Variants in NFIB observed in about 807,000 individuals in gnomAD.
NFIB encodes nuclear factor I B.
In NFIB, 11 loss-of-function variants were observed where a neutral mutation model predicts 61.5. The observed-to-expected ratio is 0.18, with a 90% CI of 0.11 to 0.30. The LOEUF is 0.30. Among genes scored for constraint, NFIB ranks in the 10% least tolerant of loss-of-function variants. The pLI, the probability that NFIB is intolerant of heterozygous loss-of-function variation, is 1.00. For missense variants in NFIB, 471 were observed against 608.9 expected (o/e 0.77, Z 2.38); for synonymous variants, 260 against 216.5 (o/e 1.20, Z -1.76).
intron 4 of NFIB, among the ~76,000 whole-genome samples, chr9:14,153,650 T>C (rs1045583744): frequency 2.6e-5 from 4 of 152,106 alleles, no homozygotes; most frequent in African/African-American, 9.7e-5. Flanking sequence ...GCTGAATGGC[T>C]TCATTAGCTA....
chr9:14,438,501 T>G, the NFIB span, among the ~76,000 whole-genome samples: 4 of 152,216 alleles, frequency 2.6e-5, no homozygotes, highest in Admixed American at 6.5e-5. Context: ...TTTTCCCCCT[T>G]GCTTATTAAT....
At chr9:14,129,952 G>A (rs10511590) in intron 6 of NFIB, among the ~76,000 whole-genome samples, 17,354 of 152,210 alleles carry the variant, frequency 0.11, 1,225 homozygotes, top group Non-Finnish European at 0.16. Flanking sequence ...GGTAGTTGAA[G>A]AGAAACAAGT....
chr9:14,517,418 T>C, the NFIB span, among the ~76,000 whole-genome samples: 1 of 152,160 alleles, frequency 6.6e-6, no homozygotes, highest in Admixed American at 6.5e-5. Context: ...ATGACACAGA[T>C]GGAATGCTGC....
chr9:14,139,603 T>A (rs1326849890), intron 6 of NFIB, among the ~76,000 whole-genome samples: 1 of 152,184 alleles, frequency 6.6e-6, no homozygotes, highest in African/African-American at 2.4e-5. Context: ...TATTTTCAAA[T>A]CTTTAAGCCT....
chr9:14,528,429 A>T, the NFIB span, among the ~76,000 whole-genome samples: 1 of 152,198 alleles, frequency 6.6e-6, no homozygotes, highest in African/African-American at 2.4e-5. Context: ...TTGGTGTTCA[A>T]CAAAGAATAA....
chr9:14,406,691 T>C, the NFIB span, among the ~76,000 whole-genome samples: 11 of 152,312 alleles, frequency 7.2e-5, no homozygotes, highest in East Asian at 1.9e-4. Context: ...CAATGAAATG[T>C]AGACAGAAGT....
intron 2 of NFIB, among the ~76,000 whole-genome samples, chr9:14,251,210 G>C (rs1338225705): frequency 6.6e-6 from 1 of 152,136 alleles, no homozygotes; most frequent in African/African-American, 2.4e-5. Context: ...GGAACTCCAG[G>C]TGCAATCACT....
intron 1 of NFIB, among the ~76,000 whole-genome samples, chr9:14,391,241 G>C (rs1254176237): frequency 5.3e-5 from 8 of 152,046 alleles, no homozygotes; most frequent in Admixed American, 5.2e-4. Context: ...CATGATGGTA[G>C]CAGGAATCCT....
chr9:14,107,666 C>A (rs1310547576), intron 10 of NFIB, among the ~76,000 whole-genome samples: 2 of 152,094 alleles, frequency 1.3e-5, no homozygotes, highest in Non-Finnish European at 2.9e-5. Context: ...GTCACATCAA[C>A]ACTAAAACCC....
At chr9:14,232,399 C>T (rs768963922) in intron 2 of NFIB, among the ~76,000 whole-genome samples, 4 of 152,194 alleles carry the variant, frequency 2.6e-5, no homozygotes, top group African/African-American at 4.8e-5. Context: ...TGCTGCAAAA[C>T]GCACCAAATG....
chr9:14,224,736 G>T (rs1427269222), intron 2 of NFIB, among the ~76,000 whole-genome samples: 7 of 152,216 alleles, frequency 4.6e-5, no homozygotes, highest in Admixed American at 3.9e-4. Flanking sequence ...GGTATCCCCA[G>T]TGGGGCCTGG....
At chr9:14,514,478 G>T in the NFIB span, among the ~76,000 whole-genome samples, 6 of 152,064 alleles carry the variant, frequency 3.9e-5, no homozygotes, top group Non-Finnish European at 7.4e-5. Flanking sequence ...CATAGATTTG[G>T]TATTGGAAGA....
chr9:14,456,514 G>C, the NFIB span, among the ~76,000 whole-genome samples: 2 of 152,026 alleles, frequency 1.3e-5, no homozygotes, highest in East Asian at 3.9e-4. Flanking sequence ...AATGCACTAG[G>C]AAAATTAAAA....
chr9:14,217,460 A>G (rs1249531353), intron 2 of NFIB, among the ~76,000 whole-genome samples: 1 of 152,184 alleles, frequency 6.6e-6, no homozygotes, highest in African/African-American at 2.4e-5. Flanking sequence ...CAAGAGTTCA[A>G]GACCAGCCTG....
the NFIB span, among the ~76,000 whole-genome samples, chr9:14,446,953 C>T: frequency 1.3e-5 from 2 of 152,050 alleles, no homozygotes; most frequent in East Asian, 1.9e-4. Flanking sequence ...AACATTTCCC[C>T]TGAAAATACC....
chr9:14,158,768 A>G (rs1199542193), intron 3 of NFIB, among the ~76,000 whole-genome samples: 4 of 152,234 alleles, frequency 2.6e-5, no homozygotes, highest in Admixed American at 2.6e-4. Flanking sequence ...TTTGGGTCAC[A>G]TGAGAAAGAG....
intron 2 of NFIB, among the ~76,000 whole-genome samples, chr9:14,294,389 G>A (rs962445358): frequency 3.3e-5 from 5 of 152,202 alleles, no homozygotes; most frequent in East Asian, 1.9e-4. Context: ...CACTTTAAGT[G>A]AACATCAACT....
intron 2 of NFIB, among the ~76,000 whole-genome samples, chr9:14,253,562 G>T (rs1007964020): frequency 6.6e-6 from 1 of 152,144 alleles, no homozygotes; most frequent in African/African-American, 2.4e-5. Flanking sequence ...TAGCACAGGG[G>T]CTCACACCTG....
At chr9:14,531,898 A>C in the NFIB span, 1 of 152,146 alleles carries the variant, frequency 6.6e-6, no homozygotes, top group African/African-American at 2.4e-5. Context: ...GGAAGAAGGG[A>C]GGGAAGTTTT....
Sources: gnomAD v4.1 joint callset for allele counts (sites outside exome capture counted in the v4.1 genomes callset) on GRCh38, gnomAD v4.1.1 for gene constraint, MANE v1.5 for transcripts, NCBI Gene and HGNC (gene_info 2026-07-23, HGNC 2026-07-21) for gene names.